TRHDE: variants seen among roughly 807,000 people sequenced by gnomAD.
TRHDE encodes thyrotropin-releasing hormone-degrading ectoenzyme.
Under a neutral mutation model 125.7 loss-of-function variants are expected in TRHDE, and 72 were observed. That is an observed-to-expected ratio of 0.57 (90% CI 0.47 to 0.70). TRHDE has a LOEUF of 0.70. TRHDE is among the 30% of genes least tolerant of loss of function. The probability of loss-of-function intolerance (pLI) is 0.00; values close to 1 mark genes in which losing one functional copy is unlikely to be tolerated. For missense variants in TRHDE, 1,110 were observed against 1,327.1 expected (o/e 0.84, Z 2.54); for synonymous variants, 509 against 509.1 (o/e 1.00, Z 0.00).
At chr12:72,399,225 C>A (rs1872933777) in intron 3 of TRHDE, among the ~76,000 whole-genome samples, 6 of 152,100 alleles carry the variant, frequency 3.9e-5, no homozygotes, top group Admixed American at 3.9e-4. Flanking sequence ...TCCCCGAAGC[C>A]AAAAAGGCTG....
chr12:72,397,340 C>A (rs7301453), intron 3 of TRHDE, among the ~76,000 whole-genome samples: 47,709 of 152,054 alleles, frequency 0.31, 9,930 homozygotes, highest in African/African-American at 0.57. Flanking sequence ...TGGACTATTG[C>A]AACAGCTTCT....
At chr12:72,463,326 T>C (rs2135888312) in intron 3 of TRHDE, among the ~76,000 whole-genome samples, 1 of 152,348 alleles carries the variant, frequency 6.6e-6, no homozygotes, top group Admixed American at 6.5e-5. Context: ...ATTCAGGTTC[T>C]GATCTTATTA....
intron 3 of TRHDE, among the ~76,000 whole-genome samples, chr12:72,408,918 A>G (rs1873378650): frequency 6.6e-6 from 1 of 152,192 alleles, no homozygotes; most frequent in African/African-American, 2.4e-5. Context: ...ATTCTCATAT[A>G]TGTCTAATCG....
intron 2 of TRHDE, among the ~76,000 whole-genome samples, chr12:72,248,207 C>T (rs1878611548): frequency 1.3e-5 from 2 of 152,074 alleles, no homozygotes; most frequent in Non-Finnish European, 2.9e-5. Context: ...ATCACAAGGT[C>T]AAGAGATCGA....
chr12:72,512,392 A>T (rs1878614747), intron 6 of TRHDE, among the ~76,000 whole-genome samples: 2 of 141,288 alleles, frequency 1.4e-5, no homozygotes, highest in South Asian at 4.2e-4. Context: ...TATAATATAT[A>T]ATTATTATTA....
intron 15 of TRHDE, among the ~76,000 whole-genome samples, chr12:72,639,264 A>T (rs1396233715): frequency 6.6e-6 from 1 of 151,874 alleles, no homozygotes; most frequent in East Asian, 1.9e-4. Flanking sequence ...TTCATCTTCC[A>T]TCGCTGATAC....
At chr12:72,566,951 A>G (rs964837447) in intron 9 of TRHDE, among the ~76,000 whole-genome samples, 6 of 151,960 alleles carry the variant, frequency 3.9e-5, no homozygotes, top group Non-Finnish European at 8.8e-5. Flanking sequence ...ATCTAGGTAC[A>G]CAAAAATGAG....
Position 72,286,878 on chromosome 12 carries a change from T to A in TRHDE, c.1112T>A (p.Leu371His). Residue 371 changes from leucine (L) to histidine (H), a missense_variant, in exon 2 of 19, where the codon CTC (leucine) becomes CAC (histidine). Physicochemically the swap from Leu to His is moderately conservative, Grantham distance 99. This residue lies in a region of TRHDE where 252 missense variants were observed against 274.8 expected (regional missense o/e 0.92). Coordinates refer to ENST00000261180, the MANE Select transcript of TRHDE (RefSeq NM_013381.3). ...WVTDHFSQTP[L>H]MSTYYLAWAI... Reference sequence around the variant, plus strand: ...ACGGATCACTTTTCACAGACCCCTCTCATGTCCACATATTATTTAGCCTGG... The same window carrying A: ...ACGGATCACTTTTCACAGACCCCTCACATGTCCACATATTATTTAGCCTGG... 1 of 1,613,974 alleles carries A rather than the reference T, an allele frequency of 6.2e-7. No homozygotes were observed. Among genetic ancestry groups the A allele is most frequent in the Non-Finnish European group, 8.5e-7 (1 of 1,179,964 alleles).
intron 2 of TRHDE, among the ~76,000 whole-genome samples, chr12:72,352,609 G>A (rs1870632194): frequency 1.3e-5 from 2 of 151,838 alleles, no homozygotes; most frequent in African/African-American, 2.4e-5. Context: ...GGCAGTTTGT[G>A]TGCCACTGTT....
chr12:72,539,929 G>A (rs1869057964), intron 6 of TRHDE, among the ~76,000 whole-genome samples: 1 of 151,684 alleles, frequency 6.6e-6, no homozygotes, highest in African/African-American at 2.4e-5. Context: ...TGAATCACAA[G>A]GTAATGTAAG....
chr12:72,312,107 C>G (rs530834680), intron 2 of TRHDE, among the ~76,000 whole-genome samples: 6 of 152,066 alleles, frequency 3.9e-5, no homozygotes, highest in African/African-American at 9.7e-5. Flanking sequence ...CTGTTATCAC[C>G]GTTTACAGGC....
intron 2 of TRHDE, among the ~76,000 whole-genome samples, chr12:72,212,914 A>G (rs189079644): frequency 2.0e-3 from 311 of 152,288 alleles, no homozygotes; most frequent in Non-Finnish European, 3.5e-3. Context: ...ATAATAGTCA[A>G]AAAGTAAAAA....
intron 6 of TRHDE, among the ~76,000 whole-genome samples, chr12:72,509,223 G>A (rs1878481441): frequency 6.6e-6 from 1 of 151,860 alleles, no homozygotes; most frequent in African/African-American, 2.4e-5. Flanking sequence ...TATAAAACCT[G>A]TGTCATATTG....
At chr12:72,494,097 A>G (rs1395255725) in intron 5 of TRHDE, among the ~76,000 whole-genome samples, 2 of 152,026 alleles carry the variant, frequency 1.3e-5, no homozygotes, top group African/African-American at 4.8e-5. Context: ...TTGTAGAACT[A>G]ATTATCTTAT....
chr12:72,345,271 G>GA (rs2135734394), intron 2 of TRHDE, among the ~76,000 whole-genome samples: 1 of 152,074 alleles, frequency 6.6e-6, no homozygotes, highest in South Asian at 2.1e-4. Context: ...AGACAATGAA[G>GA]AAAAAATAAA....
chr12:72,472,980 A>C (rs1876718553), intron 4 of TRHDE, 87 bp from the exon 5 acceptor site: 2 of 1,032,634 alleles, frequency 1.9e-6, no homozygotes, highest in East Asian at 4.9e-5. Flanking sequence ...AGTTATAATA[A>C]TCATAGTTTA....
chr12:72,350,003 C>T (rs954839135), intron 2 of TRHDE, among the ~76,000 whole-genome samples: 13 of 151,844 alleles, frequency 8.6e-5, no homozygotes, highest in South Asian at 2.1e-4. Context: ...TCCTTTTCTT[C>T]GATTGATAAA....
chr12:72,430,754 T>C (rs967376152), intron 3 of TRHDE, among the ~76,000 whole-genome samples: 2 of 152,000 alleles, frequency 1.3e-5, no homozygotes, highest in Non-Finnish European at 2.9e-5. Flanking sequence ...AATTAACATA[T>C]GAGTTTTAGG....
intron 2 of TRHDE, among the ~76,000 whole-genome samples, chr12:72,360,088 A>G (rs545722189): frequency 6.6e-6 from 1 of 151,890 alleles, no homozygotes; most frequent in South Asian, 2.1e-4. Flanking sequence ...CAGCACTCAC[A>G]CAATACATTC....
Sources: allele counts gnomAD v4.1 joint callset (sites outside exome capture counted in the v4.1 genomes callset), GRCh38; gene constraint gnomAD v4.1.1; regional missense constraint gnomAD v4.1.1; transcripts MANE v1.5; gene names NCBI Gene and HGNC (gene_info 2026-07-23, HGNC 2026-07-21).